The following GPR19 variants were observed in gnomAD, a reference collection of about 807,000 sequenced individuals.
GPR19 encodes G protein-coupled receptor 19.
GPR19 carries 14 observed loss-of-function variants against 28.5 expected under a neutral mutation model. The observed-to-expected ratio is 0.49, with a 90% CI of 0.32 to 0.77. The LOEUF is 0.77. Among genes scored for constraint, GPR19 ranks in the 30% least tolerant of loss-of-function variants. The probability of loss-of-function intolerance (pLI) is 0.03; values close to 1 mark genes in which losing one functional copy is unlikely to be tolerated. For synonymous variants in GPR19, 173 were observed against 184.1 expected, an observed-to-expected ratio of 0.94 and a Z score of 0.49; for missense variants, 409 against 504.1, an observed-to-expected ratio of 0.81 and a Z score of 1.81.
upstream of GPR19, among the ~76,000 whole-genome samples, chr12:12,696,964 C>T (rs920024845): frequency 5.3e-5 from 8 of 151,922 alleles, no homozygotes; most frequent in Non-Finnish European, 1.2e-4. Flanking sequence ...ACAATAGCAC[C>T]ACCCTAACCA....
At chr12:12,666,704 A>G (rs1945785065) in intron 3 of GPR19, among the ~76,000 whole-genome samples, 1 of 152,202 alleles carries the variant, frequency 6.6e-6, no homozygotes, top group African/African-American at 2.4e-5. Context: ...TGCTTATTCG[A>G]TGTTTACTAA....
chr12:12,676,225 T>A (rs1945929130), intron 3 of GPR19, among the ~76,000 whole-genome samples: 2 of 152,112 alleles, frequency 1.3e-5, no homozygotes, highest in Non-Finnish European at 2.9e-5. Context: ...GAGACCCCGG[T>A]CTTATTTTTT....
chr12:12,669,613 C>A (rs1945829646), intron 3 of GPR19, among the ~76,000 whole-genome samples: 3 of 152,122 alleles, frequency 2.0e-5, no homozygotes, highest in Admixed American at 2.0e-4. Context: ...ACTCCAGGCT[C>A]AAAGACATCA....
chr12:12,692,513 G>A (rs1020130896), intron 2 of GPR19, among the ~76,000 whole-genome samples: 11 of 152,032 alleles, frequency 7.2e-5, no homozygotes, highest in African/African-American at 2.4e-4. Context: ...GATTACAGGC[G>A]TGAGCTACTG....
rs1342328782 is a variant in GPR19, at chr12:12,684,524, A to T, written c.-179-17T>A. On this transcript the variant is annotated splice_polypyrimidine_tract_variant and intron_variant, in intron 2 of 3. Coordinates refer to ENST00000651487, the MANE Select transcript of GPR19 (RefSeq NM_006143.3). ...GCCTGCTTCCTGTTAGGGAGACAAG[A>T]TGACGCTGTGCAGGGTAGACTGTTA... 1 of 152,218 alleles carries T rather than the reference A, an allele frequency of 6.6e-6. No individual in the cohort carries two copies. The highest frequency in any genetic ancestry group is 1.9e-4 in the East Asian group (1 of 5,190). 9.4% of individuals were successfully genotyped at this position (152,218 alleles called of 1,614,324 possible).
the GPR19 span, among the ~76,000 whole-genome samples, chr12:12,714,236 A>C: frequency 6.6e-6 from 1 of 152,220 alleles, no homozygotes; most frequent in Admixed American, 6.5e-5. Context: ...GCTTAGAAGA[A>C]TGGTGGAGTT....
intron 3 of GPR19, among the ~76,000 whole-genome samples, chr12:12,683,685 G>C (rs936677165): frequency 1.3e-5 from 2 of 152,178 alleles, no homozygotes; most frequent in Admixed American, 6.5e-5. Flanking sequence ...ATTTAAAGGG[G>C]CTCCTCTCTT....
intron 2 of GPR19, among the ~76,000 whole-genome samples, chr12:12,694,477 A>G (rs947239253): frequency 6.6e-6 from 1 of 151,616 alleles, no homozygotes; most frequent in African/African-American, 2.4e-5. Context: ...AAGTGCTGAG[A>G]TTACAGGCGT....
Position 12,662,348 on chromosome 12 carries a change from G to C in GPR19, c.101C>G (p.Pro34Arg). The change falls in exon 4 of 4, where the codon CCT becomes CGT. Residue 34 changes from proline (P) to arginine (R), a missense_variant. Transcript: ENST00000651487. Reference sequence around the variant, plus strand: ...TTCCATCAGGTATTGGCTTGGCAGAGGTGTGGCTGTTTCAGTGCAGCTGCG... The same window carrying C: ...TTCCATCAGGTATTGGCTTGGCAGACGTGTGGCTGTTTCAGTGCAGCTGCG... Reference protein sequence around the residue: ...QNRSCTETATPLPSQYLMELS... With the variant: ...QNRSCTETATRLPSQYLMELS... 1 of 1,614,224 alleles carries C rather than the reference G, an allele frequency of 6.2e-7. No individual in the cohort carries two copies. Among genetic ancestry groups the C allele is most frequent in the South Asian group, 1.1e-5 (1 of 91,086 alleles).
At chr12:12,709,299 A>T in the GPR19 span, among the ~76,000 whole-genome samples, 1 of 152,126 alleles carries the variant, frequency 6.6e-6, no homozygotes, top group African/African-American at 2.4e-5. Flanking sequence ...CCGGAAACTG[A>T]AGAGTCTTTG....
chr12:12,702,920 A>G, the GPR19 span, among the ~76,000 whole-genome samples: 1 of 152,252 alleles, frequency 6.6e-6, no homozygotes, highest in African/African-American at 2.4e-5. Flanking sequence ...GAACTTGGAT[A>G]GAAGAGCTGT....
Position 12,661,260 on chromosome 12 carries a change from C to T in GPR19, c.1189G>A (p.Ala397Thr), listed in dbSNP as rs1299925312. Residue 397 changes from alanine to threonine, a missense_variant, in exon 4 of 4, where the codon GCC becomes ACC. By Grantham distance (58) the Ala-to-Thr change is moderately conservative. Coordinates refer to ENST00000651487, the MANE Select transcript of GPR19 (RefSeq NM_006143.3). The surrounding 1 kb of genome is among the most constrained non-coding windows in gnomAD (Gnocchi z 4.2). ...GGCCAAGCAAGCTTTTTTTCCTTGG[C>T]TTCTCTGTCAAATGAGTCATAGATC... ...DSIYDSFDRE[A>T]KEKKLAWPIN... 5 of 1,612,336 alleles carry T rather than the reference C, an allele frequency of 3.1e-6. No homozygotes were observed. Among genetic ancestry groups the T allele is most frequent in the Non-Finnish European group, 4.2e-6 (5 of 1,179,294 alleles).
intron 3 of GPR19, among the ~76,000 whole-genome samples, chr12:12,681,578 T>C (rs1946022796): frequency 6.6e-6 from 1 of 152,182 alleles, no homozygotes; most frequent in South Asian, 2.1e-4. Context: ...GCCCTGCTTA[T>C]CTGAGAAGCC....
intron 3 of GPR19, among the ~76,000 whole-genome samples, chr12:12,681,867 CA>C (rs780775820): frequency 0.016 from 2,421 of 152,318 alleles, 30 homozygotes; most frequent in Middle Eastern, 0.048. Flanking sequence ...CAAAATGCCC[CA>C]GGAAAATCTT....
chr12:12,690,503 T>C (rs1188908960), intron 2 of GPR19, among the ~76,000 whole-genome samples: 1 of 152,194 alleles, frequency 6.6e-6, no homozygotes, highest in African/African-American at 2.4e-5. Context: ...AGACCCAAGG[T>C]AGCTACTGAC....
the GPR19 span, among the ~76,000 whole-genome samples, chr12:12,709,065 TA>T: frequency 6.8e-6 from 1 of 146,310 alleles, no homozygotes; most frequent in South Asian, 2.2e-4. Flanking sequence ...AAAAAAAAAT[TA>T]AAGTATTACG....
At chr12:12,711,122 C>T in the GPR19 span, among the ~76,000 whole-genome samples, 16 of 151,968 alleles carry the variant, frequency 1.1e-4, 1 homozygote, top group South Asian at 3.1e-3. Flanking sequence ...GGTGAAACCT[C>T]GTCTCTACTG....
rs1218204399 is a variant in GPR19, at chr12:12,662,420, C to T, written c.29G>A (p.Ser10Asn). The T allele has an allele frequency of 6.2e-7, 1 of 1,614,154 alleles. No individual in the cohort carries two copies. The highest frequency in any genetic ancestry group is 2.2e-5 in the East Asian group (1 of 44,888). MVFAHRMDN[S>N]KPHLIIPTLL... ...TGTAGGAATAATCAAATGTGGCTTG[C>T]TGTTATCCATTCTGTGAGCAAAAAC... Residue 10 changes from serine (S) to asparagine (N), a missense_variant, in exon 4 of 4, where the codon AGC (serine) becomes AAC (asparagine). Physicochemically the swap from Ser to Asn is conservative, Grantham distance 46 (BLOSUM62 1). Coordinates refer to ENST00000651487, the MANE Select transcript of GPR19 (RefSeq NM_006143.3).
the GPR19 span, among the ~76,000 whole-genome samples, chr12:12,702,648 C>T: frequency 6.6e-6 from 1 of 152,198 alleles, no homozygotes; most frequent in East Asian, 1.9e-4. Flanking sequence ...TTCATTATTT[C>T]TCTGCTTTGA....
Sources: gnomAD v4.1 joint callset for allele counts (sites outside exome capture counted in the v4.1 genomes callset) on GRCh38, gnomAD v4.1.1 for gene constraint, Gnocchi (gnomAD v3.1) non-coding constraint, MANE v1.5 for transcripts, NCBI Gene and HGNC (gene_info 2026-07-23, HGNC 2026-07-21) for gene names.